The following CELF2 variants were observed in gnomAD, a reference collection of about 807,000 sequenced individuals.
CELF2 encodes the protein CUG triplet repeat RNA-binding protein 2.
Under a neutral mutation model 62.6 loss-of-function variants are expected in CELF2, and 8 were observed. The ratio of observed to expected loss-of-function variants is 0.13; its 90% CI spans 0.07 to 0.23. The LOEUF is 0.23. CELF2 is among the 10% of genes least tolerant of loss of function. CELF2 has a pLI of 1.00. For synonymous variants in CELF2, 258 were observed against 250.0 expected (o/e 1.03, Z -0.30); for missense variants, 333 against 671.0 (o/e 0.50, Z 5.56).
intron 9 of CELF2, among the ~76,000 whole-genome samples, chr10:11,295,023 G>A (rs1347246375): frequency 6.6e-6 from 1 of 152,226 alleles, no homozygotes; most frequent in Non-Finnish European, 1.5e-5. Context: ...AAAGAGCACT[G>A]ACCTCCCGGT....
intron 11 of CELF2, among the ~76,000 whole-genome samples, chr10:11,322,620 GCTTAAAAGATA>G (rs1442093492): frequency 6.7e-6 from 1 of 148,902 alleles, no homozygotes; most frequent in Non-Finnish European, 1.5e-5. Flanking sequence ...AGAGAACACA[GCTTAAAAGATA>G]CTCATGGTTT....
At chr10:10,606,569 A>G in the CELF2 span, among the ~76,000 whole-genome samples, 1 of 152,176 alleles carries the variant, frequency 6.6e-6, no homozygotes, top group African/African-American at 2.4e-5. Context: ...AGTAGCTGTT[A>G]TGGTCACAAA....
At chr10:10,865,370 C>T (rs1483220335) in intron 1 of CELF2, among the ~76,000 whole-genome samples, 1 of 152,190 alleles carries the variant, frequency 6.6e-6, no homozygotes, top group Non-Finnish European at 1.5e-5. Context: ...CTAGTTATTA[C>T]ATATTCATCT....
the CELF2 span, among the ~76,000 whole-genome samples, chr10:10,535,407 C>T: frequency 3.9e-5 from 6 of 152,284 alleles, no homozygotes; most frequent in East Asian, 5.8e-4. Context: ...GAGCAGGAAC[C>T]GTACCTTGTC....
chr10:10,500,794 C>T, the CELF2 span, among the ~76,000 whole-genome samples: 1 of 152,196 alleles, frequency 6.6e-6, no homozygotes, highest in South Asian at 2.1e-4. Context: ...CCACTTGCCT[C>T]CTGCTCCTGC....
the CELF2 span, among the ~76,000 whole-genome samples, chr10:10,651,218 C>G: frequency 8.1e-6 from 1 of 123,808 alleles, no homozygotes; most frequent in South Asian, 3.9e-4. Context: ...TCGGAGGGTC[C>G]TATGCCCACA....
chr10:10,689,248 A>G, the CELF2 span, among the ~76,000 whole-genome samples: 1 of 152,140 alleles, frequency 6.6e-6, no homozygotes, highest in Admixed American at 6.5e-5. Flanking sequence ...GGGAGGGGGA[A>G]GCAAGGACCT....
intron 1 of CELF2, among the ~76,000 whole-genome samples, chr10:10,843,612 C>A (rs761651600): frequency 6.6e-6 from 1 of 151,732 alleles, no homozygotes; most frequent in Non-Finnish European, 1.5e-5. Context: ...GTGAATTTTC[C>A]ATGGGATTTT....
chr10:10,973,349 G>C (rs534804717), intron 2 of CELF2, among the ~76,000 whole-genome samples: 2 of 152,046 alleles, frequency 1.3e-5, no homozygotes. Context: ...TATGACTCCT[G>C]GGTCCCAGCA....
At chr10:11,085,473 A>G (rs2141626390) in intron 1 of CELF2, among the ~76,000 whole-genome samples, 1 of 152,336 alleles carries the variant, frequency 6.6e-6, no homozygotes, top group South Asian at 2.1e-4. Flanking sequence ...GCAAATTGTT[A>G]TTTGGCAATA....
chr10:10,889,752 C>T (rs192535608), intron 1 of CELF2, among the ~76,000 whole-genome samples: 201 of 152,352 alleles, frequency 1.3e-3, no homozygotes, highest in African/African-American at 4.7e-3. Context: ...ATCCTTCCTC[C>T]TGCCCCAGCC....
intron 1 of CELF2, among the ~76,000 whole-genome samples, chr10:11,120,094 C>T (rs1224821229): frequency 6.6e-6 from 1 of 152,120 alleles, no homozygotes. Context: ...AGGAGAGGTT[C>T]ATTTGAGTCA....
chr10:11,273,533 G>A (rs2084699908), intron 7 of CELF2, among the ~76,000 whole-genome samples: 1 of 152,068 alleles, frequency 6.6e-6, no homozygotes, highest in African/African-American at 2.4e-5. Context: ...AAAAGGTTGG[G>A]GACTGCTGGA....
the CELF2 span, among the ~76,000 whole-genome samples, chr10:10,672,886 A>G: frequency 6.6e-6 from 1 of 152,186 alleles, no homozygotes; most frequent in Non-Finnish European, 1.5e-5. Flanking sequence ...CAAGTTGGGA[A>G]AAACCGACTT....
chr10:10,901,002 A>G (rs1173382827), intron 1 of CELF2, among the ~76,000 whole-genome samples: 1 of 152,242 alleles, frequency 6.6e-6, no homozygotes, highest in East Asian at 1.9e-4. Context: ...CTGTACACTG[A>G]AAACACAAAA....
chr10:11,256,312 C>T (rs1042137437), intron 4 of CELF2, among the ~76,000 whole-genome samples: 2 of 152,220 alleles, frequency 1.3e-5, no homozygotes, highest in African/African-American at 4.8e-5. Flanking sequence ...CCTGCCCCAG[C>T]CCCTTCTCAG....
the CELF2 span, among the ~76,000 whole-genome samples, chr10:10,766,451 T>A: frequency 6.6e-6 from 1 of 152,136 alleles, no homozygotes; most frequent in Non-Finnish European, 1.5e-5. Context: ...TTGGAGAAGA[T>A]GTGTGTTCCG....
At chr10:10,709,549 C>T in the CELF2 span, among the ~76,000 whole-genome samples, 1 of 152,068 alleles carries the variant, frequency 6.6e-6, no homozygotes, top group African/African-American at 2.4e-5. Flanking sequence ...AACCAGCCAG[C>T]AATAATGGAA....
Position 10,972,824 on chromosome 10 carries a change from C to A in CELF2, c.89+52825C>A, listed in dbSNP as rs2050898224. 6.6e-6 allele frequency among the ~76,000 whole-genome samples: 1 copy of A among 152,154 alleles called. No homozygotes were observed. Among genetic ancestry groups the A allele is most frequent in the Non-Finnish European group, 1.5e-5 (1 of 68,020 alleles). On this transcript the variant is annotated intron_variant, in intron 2 of 13. Coordinates refer to the CELF2 transcript ENST00000636488. This position sits in a 1 kb window ranked among gnomAD's most constrained non-coding sequence, Gnocchi z 4.4. The stretch of plus-strand genomic sequence containing the variant: ...CCATGAGTGGCCCTCAGAGAGCTAC[C>A]TTCCTCAGAAAACATGGGGACATGG...
Sources: gnomAD v4.1 joint callset for allele counts (sites outside exome capture counted in the v4.1 genomes callset) on GRCh38, gnomAD v4.1.1 for gene constraint, Gnocchi (gnomAD v3.1) non-coding constraint, MANE v1.5 for transcripts, NCBI Gene and HGNC (gene_info 2026-07-23, HGNC 2026-07-21) for gene names.